CNTN4: variants seen among roughly 807,000 people sequenced by gnomAD.
The protein encoded by CNTN4 is contactin 4.
In CNTN4, 77 loss-of-function variants were observed where a neutral mutation model predicts 122.5. The observed-to-expected ratio is 0.63, with a 90% CI of 0.52 to 0.76. The LOEUF (loss-of-function observed/expected upper bound fraction) is 0.76. Among genes scored for constraint, CNTN4 ranks in the 30% least tolerant of loss-of-function variants. The pLI, the probability that CNTN4 is intolerant of heterozygous loss-of-function variation, is 0.00. For synonymous variants in CNTN4, 512 were observed against 447.0 expected, an observed-to-expected ratio of 1.15 and a Z score of -1.83; for missense variants, 1,256 against 1,259.1, an observed-to-expected ratio of 1.00 and a Z score of 0.04.
intron 4 of CNTN4, among the ~76,000 whole-genome samples, chr3:2,624,490 T>C (rs1481722681): frequency 1.3e-5 from 2 of 152,064 alleles, no homozygotes; most frequent in Admixed American, 6.6e-5. Flanking sequence ...CCTTGCAACC[T>C]GCCTGTCAAC....
At chr3:2,357,762 A>G (rs1575451616) in intron 3 of CNTN4, among the ~76,000 whole-genome samples, 3 of 152,256 alleles carry the variant, frequency 2.0e-5, no homozygotes, top group African/African-American at 7.2e-5. Flanking sequence ...AATTCCAATT[A>G]TATGATCCTG....
intron 4 of CNTN4, among the ~76,000 whole-genome samples, chr3:2,615,277 G>C (rs1271831305): frequency 1.3e-5 from 2 of 152,144 alleles, no homozygotes; most frequent in African/African-American, 2.4e-5. Flanking sequence ...TAATCAATGA[G>C]AAAAGCAACT....
intron 13 of CNTN4, among the ~76,000 whole-genome samples, chr3:2,976,527 A>G (rs6803604): frequency 0.14 from 21,936 of 152,144 alleles, 1,780 homozygotes; most frequent in African/African-American, 0.21. Flanking sequence ...CAGAGACTAC[A>G]CGGAAAGGTC....
At chr3:2,716,919 T>G (rs770126651) in intron 4 of CNTN4, among the ~76,000 whole-genome samples, 6 of 152,222 alleles carry the variant, frequency 3.9e-5, no homozygotes, top group African/African-American at 7.2e-5. Flanking sequence ...TCTCATAATA[T>G]TTTCAAGATT....
At chr3:2,573,568 A>G (rs946490156) in intron 4 of CNTN4, among the ~76,000 whole-genome samples, 1 of 152,200 alleles carries the variant, frequency 6.6e-6, no homozygotes, top group African/African-American at 2.4e-5. Context: ...ATTTGGCTAC[A>G]GCATAATGTT....
intron 3 of CNTN4, among the ~76,000 whole-genome samples, chr3:2,466,869 G>T (rs182181599): frequency 1.6e-4 from 24 of 151,832 alleles, no homozygotes; most frequent in African/African-American, 5.6e-4. Flanking sequence ...TTTAATCATT[G>T]TAGAAAGTAG....
intron 9 of CNTN4, among the ~76,000 whole-genome samples, chr3:2,883,972 T>C (rs2093940818): frequency 6.6e-6 from 1 of 152,238 alleles, no homozygotes; most frequent in Admixed American, 6.5e-5. Context: ...GAAGTGAGAA[T>C]TTTGACATCT....
At chr3:2,778,869 A>G (rs942489859) in intron 6 of CNTN4, among the ~76,000 whole-genome samples, 1 of 152,230 alleles carries the variant, frequency 6.6e-6, no homozygotes, top group Non-Finnish European at 1.5e-5. Context: ...TCACAAGATT[A>G]TACTGTTAAG....
At chr3:2,438,489 T>C (rs1168742829) in intron 3 of CNTN4, among the ~76,000 whole-genome samples, 1 of 152,096 alleles carries the variant, frequency 6.6e-6, no homozygotes, top group African/African-American at 2.4e-5. Context: ...GCCACTTTAC[T>C]CCAGCCCAGG....
chr3:2,783,856 A>G lies in CNTN4; in HGVS notation c.359-35630A>G, dbSNP rs903553220. Among the ~76,000 whole-genome samples the G allele has an allele frequency of 5.3e-5, 8 of 152,330 alleles. 2 individuals are homozygous for G. On this transcript the variant is annotated intron_variant, in intron 6 of 24. Coordinates refer to ENST00000418658, the MANE Select transcript of CNTN4 (RefSeq NM_175607.3). ...GGTTGACACTTAATGAATGTTCATG[A>G]TGAATCCGTTCTTTAGTTAGTTGAA...
chr3:3,035,709 C>T (rs937888323), intron 17 of CNTN4, among the ~76,000 whole-genome samples: 3 of 152,076 alleles, frequency 2.0e-5, no homozygotes, highest in South Asian at 2.1e-4. Context: ...GGCGCAGGCC[C>T]CCACACCCAG....
At chr3:2,196,178 C>T (rs2037823877) in intron 2 of CNTN4, among the ~76,000 whole-genome samples, 1 of 152,128 alleles carries the variant, frequency 6.6e-6, no homozygotes, top group Non-Finnish European at 1.5e-5. Flanking sequence ...TGTCTCTTTG[C>T]TGTTTTTCAG....
At chr3:2,166,177 C>A (rs1241671577) in intron 2 of CNTN4, among the ~76,000 whole-genome samples, 4 of 151,968 alleles carry the variant, frequency 2.6e-5, no homozygotes, top group Admixed American at 2.6e-4. Flanking sequence ...CAATTTATAT[C>A]CCCATCAACA....
chr3:2,206,539 T>C (rs2038350895), intron 2 of CNTN4, among the ~76,000 whole-genome samples: 1 of 152,150 alleles, frequency 6.6e-6, no homozygotes, highest in Admixed American at 6.6e-5. Flanking sequence ...TATTTGGTTT[T>C]TCTTTGAACA....
intron 2 of CNTN4, among the ~76,000 whole-genome samples, chr3:2,316,224 A>G (rs1289613215): frequency 6.6e-6 from 1 of 152,116 alleles, no homozygotes; most frequent in African/African-American, 2.4e-5. Flanking sequence ...ATAGATATTA[A>G]GTACTCTAGC....
chr3:2,619,981 A>T (rs113822693), intron 4 of CNTN4, among the ~76,000 whole-genome samples: 1 of 142,658 alleles, frequency 7.0e-6, no homozygotes, highest in African/African-American at 2.7e-5. Context: ...TTCCCCTGGC[A>T]TAAATGAAAA....
At chr3:2,256,651 A>C (rs568571468) in intron 2 of CNTN4, among the ~76,000 whole-genome samples, 6 of 152,144 alleles carry the variant, frequency 3.9e-5, no homozygotes, top group Non-Finnish European at 7.3e-5. Context: ...ACAAACCAAT[A>C]GGCAGAGAGC....
At chr3:2,430,966 C>G (rs2048047073) in intron 3 of CNTN4, among the ~76,000 whole-genome samples, 2 of 152,104 alleles carry the variant, frequency 1.3e-5, no homozygotes, top group South Asian at 4.1e-4. Context: ...ACCCTTTAGA[C>G]TTGATCATCT....
At chr3:2,685,686 GT>G (rs1047402823) in intron 4 of CNTN4, among the ~76,000 whole-genome samples, 16 of 151,932 alleles carry the variant, frequency 1.1e-4, no homozygotes, top group African/African-American at 3.4e-4. Context: ...TTCTTAGTGT[GT>G]TTTTTTTGTT....
Sources: allele counts gnomAD v4.1 joint callset (sites outside exome capture counted in the v4.1 genomes callset), GRCh38; gene constraint gnomAD v4.1.1; transcripts MANE v1.5; gene names NCBI Gene and HGNC (gene_info 2026-07-23, HGNC 2026-07-21).